The following LINGO2 variants were observed in gnomAD, a reference collection of about 807,000 sequenced individuals.
The protein encoded by LINGO2 is leucine-rich repeat and immunoglobulin-like domain-containing nogo receptor-interacting protein 2.
In LINGO2, 14 loss-of-function variants were observed where a neutral mutation model predicts 30.6. The ratio of observed to expected loss-of-function variants is 0.46; its 90% CI spans 0.30 to 0.72. LINGO2 has a LOEUF of 0.72. Ranked by LOEUF, LINGO2 falls within the 30% of genes least tolerant of loss-of-function variation. The pLI is 0.07. For missense variants in LINGO2, 729 were observed against 751.7 expected, an observed-to-expected ratio of 0.97 and a Z score of 0.35; for synonymous variants, 317 against 288.5, an observed-to-expected ratio of 1.10 and a Z score of -1.00.
At chr9:28,443,367 G>T (rs1397006646) in intron 2 of LINGO2, among the ~76,000 whole-genome samples, 1 of 152,330 alleles carries the variant, frequency 6.6e-6, no homozygotes, top group Admixed American at 6.5e-5. Context: ...TGCACACTCT[G>T]TTGAGCTGGT....
chr9:27,958,272 C>A (rs919917985), intron 5 of LINGO2, among the ~76,000 whole-genome samples: 4 of 152,130 alleles, frequency 2.6e-5, no homozygotes, highest in Admixed American at 2.6e-4. Flanking sequence ...AAGATTAAAC[C>A]AACCTCACAC....
chr9:28,902,549 T>G, the LINGO2 span, among the ~76,000 whole-genome samples: 1 of 152,132 alleles, frequency 6.6e-6, no homozygotes, highest in Non-Finnish European at 1.5e-5. Flanking sequence ...AACAGGTGTA[T>G]AGAGAGCATT....
intron 1 of LINGO2, among the ~76,000 whole-genome samples, chr9:28,587,131 G>T (rs759350367): frequency 1.3e-5 from 2 of 151,946 alleles, no homozygotes; most frequent in Non-Finnish European, 2.9e-5. Context: ...TTTGAAGGTG[G>T]CTGGGCCATT....
chr9:28,504,527 C>A (rs1055458304), intron 1 of LINGO2, among the ~76,000 whole-genome samples: 20 of 151,918 alleles, frequency 1.3e-4, no homozygotes, highest in Non-Finnish European at 1.3e-4. Flanking sequence ...TGGCACAATT[C>A]TAACATGATT....
the LINGO2 span, among the ~76,000 whole-genome samples, chr9:28,775,097 G>A: frequency 2.0e-5 from 3 of 152,170 alleles, no homozygotes; most frequent in South Asian, 4.1e-4. Context: ...TGCTGCCAAA[G>A]TGAGCATAGG....
At chr9:28,876,406 G>T in the LINGO2 span, among the ~76,000 whole-genome samples, 1 of 147,552 alleles carries the variant, frequency 6.8e-6, no homozygotes, top group African/African-American at 2.6e-5. Context: ...CCCACTCCCC[G>T]CACCCAACAA....
rs142678761 is a variant in LINGO2 at position 28,251,164 on chromosome 9, G to A, written c.-87+44044C>T. Among the ~76,000 whole-genome samples, 1,108 of 152,106 alleles carry A rather than the reference G, an allele frequency of 7.3e-3. 18 individuals carry two copies. The highest frequency in any genetic ancestry group is 0.025 in the African/African-American group (1,030 of 41,524). ...GAAAACCTCTGTGAATTCTTTCTCT[G>A]CCCCCTATGATGAATATAAATCTTT... On this transcript the variant is annotated intron_variant, in intron 4 of 5. Transcript: ENST00000379992.
chr9:28,317,163 C>T (rs972232665), intron 3 of LINGO2, among the ~76,000 whole-genome samples: 1 of 152,112 alleles, frequency 6.6e-6, no homozygotes, highest in African/African-American at 2.4e-5. Flanking sequence ...AGATTCGGCT[C>T]AACTATTCTT....
chr9:28,126,892 GTTC>G (rs1344880420), intron 4 of LINGO2, among the ~76,000 whole-genome samples: 2 of 152,078 alleles, frequency 1.3e-5, no homozygotes, highest in African/African-American at 4.8e-5. Flanking sequence ...ACTTCAATTT[GTTC>G]TTCTTCATGA....
chr9:29,126,071 G>A, the LINGO2 span, among the ~76,000 whole-genome samples: 2 of 151,880 alleles, frequency 1.3e-5, no homozygotes, highest in Non-Finnish European at 2.9e-5. Flanking sequence ...ATTATTTTTG[G>A]AACTACTTTA....
intron 5 of LINGO2, among the ~76,000 whole-genome samples, chr9:28,001,843 T>C (rs1465940606): frequency 1.3e-5 from 2 of 152,182 alleles, no homozygotes; most frequent in Non-Finnish European, 2.9e-5. Context: ...TTACAACTTC[T>C]GTGATGCTCT....
chr9:28,276,789 TC>T (rs1482810343), intron 4 of LINGO2, among the ~76,000 whole-genome samples: 1 of 152,220 alleles, frequency 6.6e-6, no homozygotes, highest in Non-Finnish European at 1.5e-5. Context: ...AATGCATCTA[TC>T]CCTTTTTGTT....
chr9:28,790,553 C>T, the LINGO2 span, among the ~76,000 whole-genome samples: 5 of 150,920 alleles, frequency 3.3e-5, no homozygotes, highest in African/African-American at 1.2e-4. Context: ...CCAGGATGGT[C>T]TTGATCTCCT....
chr9:28,160,081 CT>C (rs995485817), intron 4 of LINGO2, among the ~76,000 whole-genome samples: 112 of 151,960 alleles, frequency 7.4e-4, no homozygotes, highest in African/African-American at 2.6e-3. Context: ...AATGTGCTAC[CT>C]TATGGAAAGG....
At chr9:29,209,921 A>T in the LINGO2 span, among the ~76,000 whole-genome samples, 2 of 152,128 alleles carry the variant, frequency 1.3e-5, no homozygotes, top group South Asian at 4.1e-4. Flanking sequence ...AGTAACTGAC[A>T]AACCTCTTTG....
chr9:28,827,365 A>G, the LINGO2 span, among the ~76,000 whole-genome samples: 14 of 152,326 alleles, frequency 9.2e-5, no homozygotes, highest in African/African-American at 2.9e-4. Context: ...GTTGCACACA[A>G]TAATTTAATT....
chr9:28,704,438 G>A, the LINGO2 span, among the ~76,000 whole-genome samples: 2 of 151,208 alleles, frequency 1.3e-5, no homozygotes, highest in Admixed American at 6.6e-5. Flanking sequence ...TCTGTGTTCC[G>A]TGTGCTTCCT....
the LINGO2 span, among the ~76,000 whole-genome samples, chr9:29,116,963 T>C: frequency 6.6e-6 from 1 of 152,086 alleles, no homozygotes; most frequent in Non-Finnish European, 1.5e-5. Flanking sequence ...TACTATGATA[T>C]ATTAGAAAGG....
At chr9:28,378,495 T>A (rs1821217545) in intron 2 of LINGO2, among the ~76,000 whole-genome samples, 1 of 152,156 alleles carries the variant, frequency 6.6e-6, no homozygotes, top group African/African-American at 2.4e-5. Flanking sequence ...GGACTTTCCA[T>A]GAAGAGGCAG....
Sources: allele counts gnomAD v4.1 joint callset (sites outside exome capture counted in the v4.1 genomes callset), GRCh38; gene constraint gnomAD v4.1.1; transcripts MANE v1.5; gene names NCBI Gene and HGNC (gene_info 2026-07-23, HGNC 2026-07-21).